The following OSBPL1A variants were observed in gnomAD, a reference collection of about 807,000 sequenced individuals.
OSBPL1A encodes the protein oxysterol-binding protein-related protein 1.
A neutral mutation model predicts 137.1 loss-of-function variants in OSBPL1A; 80 were observed. The ratio of observed to expected loss-of-function variants is 0.58; its 90% confidence interval spans 0.49 to 0.70. The LOEUF (loss-of-function observed/expected upper bound fraction) is 0.70. OSBPL1A is among the 30% of genes least tolerant of loss of function. OSBPL1A has a pLI of 0.00. For missense variants in OSBPL1A, 970 were observed against 1,129.4 expected, an observed-to-expected ratio of 0.86 and a Z score of 2.02; for synonymous variants, 365 against 389.7, an observed-to-expected ratio of 0.94 and a Z score of 0.75.
At chr18:24,316,107 C>A (rs1031493185) in intron 11 of OSBPL1A, among the ~76,000 whole-genome samples, 3 of 151,018 alleles carry the variant, frequency 2.0e-5, no homozygotes, top group African/African-American at 4.9e-5. Flanking sequence ...CCAAAAAACA[C>A]AAAAATTAGC....
chr18:24,397,130 T>C (rs1332748703), intron 1 of OSBPL1A, among the ~76,000 whole-genome samples: 6 of 152,134 alleles, frequency 3.9e-5, no homozygotes, highest in Non-Finnish European at 8.8e-5. Flanking sequence ...ATAAGTGAAT[T>C]GTTAAAGTCT....
At chr18:24,164,420 G>GGTTTTTTTTTTTTTTTTTTTTTTT (rs199563115) in intron 27 of OSBPL1A, among the ~76,000 whole-genome samples, 1 of 95,970 alleles carries the variant, frequency 1.0e-5, no homozygotes, top group Non-Finnish European at 1.9e-5. Context: ...GAGATTTTTG[G>GGTTTTTTTTTTTTTTTTTTTTTTT]TTTTTTTTTT....
chr18:24,212,747 T>C lies in OSBPL1A; in HGVS notation c.1601+12295A>G, dbSNP rs114395983. Among the ~76,000 whole-genome samples the C allele has an allele frequency of 8.8e-3, 1,342 of 152,338 alleles. 16 individuals carry two copies. Among genetic ancestry groups the C allele is most frequent in the African/African-American group, 0.031 (1,288 of 41,574 alleles). ...AGTTGTGTACTATTAATTAAAACTT[T>C]AGTTGTAATGTACATGAAGATTCAA... On this transcript the variant is annotated intron_variant, in intron 17 of 27. Transcript: ENST00000319481.
Position 24,247,832 on chromosome 18 carries a change from T to A in OSBPL1A, c.1282-8450A>T, listed in dbSNP as rs547193473. On this transcript the variant is annotated intron_variant, in intron 15 of 27. Transcript: ENST00000319481. Reference sequence around the variant, plus strand: ...AACTAAAAAAAGAATAAAATTCTTTTAAAAAAATAATTTCTGCTCAAAAAA... The same window carrying A: ...AACTAAAAAAAGAATAAAATTCTTTAAAAAAAATAATTTCTGCTCAAAAAA... Among the ~76,000 whole-genome samples, 18 of 152,176 alleles carry A rather than the reference T, an allele frequency of 1.2e-4. No individual in the cohort carries two copies. In the East Asian group the frequency reaches 2.5e-3, roughly 21 times the overall value.
chr18:24,218,618 A>C (rs1049918593), intron 17 of OSBPL1A, among the ~76,000 whole-genome samples: 1 of 151,554 alleles, frequency 6.6e-6, no homozygotes, highest in Non-Finnish European at 1.5e-5. Context: ...TAATTTTTGT[A>C]TTTTTTGGTA....
intron 14 of OSBPL1A, among the ~76,000 whole-genome samples, chr18:24,297,531 C>T (rs532464627): frequency 8.5e-5 from 13 of 152,258 alleles, no homozygotes; most frequent in South Asian, 4.1e-4. Flanking sequence ...AGGCATTAAA[C>T]GCTACGAACT....
intron 16 of OSBPL1A, among the ~76,000 whole-genome samples, chr18:24,228,170 C>T (rs2088149952): frequency 6.6e-6 from 1 of 152,056 alleles, no homozygotes; most frequent in South Asian, 2.1e-4. Context: ...TAGGGATGCT[C>T]CATCAGATGA....
chr18:24,242,042 C>A (rs182609199), intron 15 of OSBPL1A, among the ~76,000 whole-genome samples: 19 of 150,486 alleles, frequency 1.3e-4, no homozygotes, highest in African/African-American at 4.4e-4. Context: ...AATCAAACAC[C>A]GAATGTTCTC....
rs190196198 is a variant in OSBPL1A, at chr18:24,278,936, G to A, written c.1281+1906C>T. 2.4e-4 allele frequency among the ~76,000 whole-genome samples: 37 copies of A among 152,218 alleles called. No individual in the cohort carries two copies. The East Asian group carries it at 6.0e-3, about 25-fold the overall frequency. On this transcript the variant is annotated intron_variant, in intron 15 of 27. Coordinates refer to ENST00000319481, the MANE Select transcript of OSBPL1A (RefSeq NM_080597.4). ...TGCTGAGGAGGGATATTTTCAAACA[G>A]TATTAAAAAATCAACCATTTGAAAT...
chr18:24,322,200 C>G (rs1298810990), intron 7 of OSBPL1A, among the ~76,000 whole-genome samples: 1 of 150,616 alleles, frequency 6.6e-6, no homozygotes, highest in Non-Finnish European at 1.5e-5. Context: ...AGCTCTGCCT[C>G]CCGGGTTCAT....
chr18:24,385,368 G>GTTATATATATA lies in OSBPL1A; in HGVS notation c.-2-7834_-2-7833insTATATATATAA, dbSNP rs1307118986. Among the ~76,000 whole-genome samples the GTTATATATATA allele has an allele frequency of 3.4e-4, 52 of 152,242 alleles. 1 individual carries two copies. Among genetic ancestry groups the GTTATATATATA allele is most frequent in the African/African-American group, 1.2e-3 (49 of 41,538 alleles). ...ATTGCACCACTATATTCCAACCTGG[G>GTTATATATATA]TAACAGAAGGAGATCCTGTCTCTAA... On this transcript the variant is annotated intron_variant, in intron 1 of 27. Coordinates refer to ENST00000319481, the MANE Select transcript of OSBPL1A (RefSeq NM_080597.4).
intron 18 of OSBPL1A, among the ~76,000 whole-genome samples, chr18:24,183,756 C>CA (rs2086672867): frequency 6.6e-6 from 1 of 152,180 alleles, no homozygotes; most frequent in African/African-American, 2.4e-5. Flanking sequence ...TGTTTTAATG[C>CA]ATGATGTCAG....
In OSBPL1A at chr18:24,293,104, CAA is replaced by C. The variant is rs1172730345; in HGVS notation, c.1174+10531_1174+10532del. On this transcript the variant is annotated intron_variant, in intron 14 of 27. Coordinates refer to ENST00000319481, the MANE Select transcript of OSBPL1A (RefSeq NM_080597.4). ...AGGCGACAGAGAGGGACTCCCGTCTCAAAAAAAAAAAAAAAAAAAAAAAAGAA... is the reference window on the plus strand; with the variant it reads ...AGGCGACAGAGAGGGACTCCCGTCTCAAAAAAAAAAAAAAAAAAAAAAGAA... Among the ~76,000 whole-genome samples the C allele has an allele frequency of 4.3e-3, 282 of 66,294 alleles. 1 individual carries two copies. Among genetic ancestry groups the C allele is most frequent in the African/African-American group, 0.016 (267 of 16,928 alleles). 43.5% of individuals were successfully genotyped at this position (66,294 alleles called of 152,430 possible).
At chr18:24,251,786 C>T (rs2089106173) in intron 15 of OSBPL1A, among the ~76,000 whole-genome samples, 3 of 152,058 alleles carry the variant, frequency 2.0e-5, no homozygotes, top group Non-Finnish European at 2.9e-5. Context: ...AGAGTGAATT[C>T]AAAATAGTCA....
At chr18:24,202,208 G>A (rs1053208793) in intron 17 of OSBPL1A, among the ~76,000 whole-genome samples, 7 of 152,260 alleles carry the variant, frequency 4.6e-5, no homozygotes, top group South Asian at 2.1e-4. Flanking sequence ...ACCCAGCTGC[G>A]TAACCTGGGG....
chr18:24,233,433 T>C (rs2145999226), intron 16 of OSBPL1A, among the ~76,000 whole-genome samples: 1 of 152,286 alleles, frequency 6.6e-6, no homozygotes. Context: ...GTGGTGAATA[T>C]AGATGCATAA....
chr18:24,393,978 G>A (rs1907554185), intron 1 of OSBPL1A, among the ~76,000 whole-genome samples: 1 of 152,106 alleles, frequency 6.6e-6, no homozygotes, highest in Non-Finnish European at 1.5e-5. Flanking sequence ...AACCTGTATC[G>A]TTTTAAGTTA....
intron 15 of OSBPL1A, among the ~76,000 whole-genome samples, chr18:24,268,844 C>G (rs991778903): frequency 2.6e-5 from 4 of 152,122 alleles, no homozygotes; most frequent in African/African-American, 9.7e-5. Context: ...TAGGTGACTC[C>G]CAATGCTAAT....
At chr18:24,365,186 T>TA (rs935816986) in intron 4 of OSBPL1A, among the ~76,000 whole-genome samples, 1 of 152,050 alleles carries the variant, frequency 6.6e-6, no homozygotes, top group Non-Finnish European at 1.5e-5. Context: ...TATTCAGCCA[T>TA]AAAAAAGACC....
Sources: allele counts gnomAD v4.1 joint callset (sites outside exome capture counted in the v4.1 genomes callset), GRCh38; gene constraint gnomAD v4.1.1; transcripts MANE v1.5; gene names NCBI Gene and HGNC (gene_info 2026-07-23, HGNC 2026-07-21).